PVALEF: variants seen among roughly 807,000 people sequenced by gnomAD.
The protein encoded by PVALEF is parvalbumin like EF-hand containing, also known as parvalbumin-like EF-hand-containing protein.
A neutral mutation model predicts 1.2 loss-of-function variants in PVALEF; 2 were observed. The ratio of observed to expected loss-of-function variants is 1.68; its 90% CI spans 0.69 to 5.28. The LOEUF is 5.28. Ranked by LOEUF, PVALEF falls within the 30% of genes most tolerant of loss-of-function variation. The pLI, the probability that PVALEF is intolerant of heterozygous loss-of-function variation, is 0.06. For missense variants in PVALEF, 35 were observed against 17.7 expected, an observed-to-expected ratio of 1.97 and a Z score of -1.75; for synonymous variants, 16 against 6.5, an observed-to-expected ratio of 2.47 and a Z score of -2.24.
chr17:81,169,529 C>G (rs778733177), intron 2 of PVALEF, among the ~76,000 whole-genome samples: 14 of 152,266 alleles, frequency 9.2e-5, no homozygotes, highest in Non-Finnish European at 1.9e-4. Flanking sequence ...AACCAGAAGG[C>G]GGAACTTGCA....
chr17:81,165,914 C>T (rs543716996), intron 1 of PVALEF, 167 bp downstream of exon 1: 663 of 1,567,814 alleles, frequency 4.2e-4, no homozygotes, highest in Non-Finnish European at 5.3e-4. Context: ...CAGCGGCGCG[C>T]AGGCCGGGCC....
intron 2 of PVALEF, among the ~76,000 whole-genome samples, chr17:81,173,480 G>A (rs577848085): frequency 5.3e-5 from 8 of 152,312 alleles, no homozygotes; most frequent in East Asian, 3.9e-4. Context: ...CAGATGCCCC[G>A]AGAGAACCGA....
chr17:81,165,969 G>A, intron 1 of PVALEF: 1 of 1,586,372 alleles, frequency 6.3e-7, no homozygotes, highest in Non-Finnish European at 8.6e-7. Context: ...AGGCGAAGCT[G>A]GGGTTGAAGA....
At chr17:81,170,106 GTC>G (rs2061514839) in intron 2 of PVALEF, among the ~76,000 whole-genome samples, 1 of 150,162 alleles carries the variant, frequency 6.7e-6, no homozygotes, top group Non-Finnish European at 1.5e-5. Context: ...TGGTTTGTGT[GTC>G]TGCATATGTG....
At chr17:81,165,790 C>A (rs1274271276) in intron 1 of PVALEF, 43 bp downstream of exon 1, 2 of 1,502,534 alleles carry the variant, frequency 1.3e-6, no homozygotes, top group Admixed American at 4.2e-5. Flanking sequence ...AGATCTGGGG[C>A]CGCCAGGGGG....
At chr17:81,176,531 G>C (rs2061536128) in intron 2 of PVALEF, among the ~76,000 whole-genome samples, 1 of 151,296 alleles carries the variant, frequency 6.6e-6, no homozygotes, top group Non-Finnish European at 1.5e-5. Flanking sequence ...ACAAAAAAAA[G>C]GAAACAAAAC....
Position 81,169,754 on chromosome 17 carries a change from G to GTGTC in PVALEF, c.-340+2913_-340+2914insCTGT, listed in dbSNP as rs1320376073. ...TGTGCGTGTGTGTGTACGTGTCTAT[G>GTGTC]TGTGTGTATGCATGTGTGTCTGTGC... is the stretch of plus-strand genomic sequence containing the variant. On this transcript the variant is annotated intron_variant, in intron 2 of 6. Transcript: ENST00000637878. Among the ~76,000 whole-genome samples, 641 of 150,996 alleles carry GTGTC rather than the reference G, an allele frequency of 4.2e-3. 8 individuals are homozygous for GTGTC. The highest frequency in any genetic ancestry group is 0.029 in the South Asian group (140 of 4,796).
intron 2 of PVALEF, among the ~76,000 whole-genome samples, chr17:81,169,745 C>CGTAT (rs144427493): frequency 0.23 from 35,428 of 151,680 alleles, 4,533 homozygotes; most frequent in Non-Finnish European, 0.28. Flanking sequence ...TGTGTGTGTA[C>CGTAT]GTGTCTATGT....
intron 2 of PVALEF, among the ~76,000 whole-genome samples, chr17:81,168,960 C>T (rs1313083699): frequency 6.6e-6 from 1 of 152,252 alleles, no homozygotes; most frequent in Non-Finnish European, 1.5e-5. Context: ...GACCAAAGCT[C>T]TGACCACACT....
At chr17:81,175,753 G>T (rs2061534199) in intron 2 of PVALEF, among the ~76,000 whole-genome samples, 1 of 152,098 alleles carries the variant, frequency 6.6e-6, no homozygotes, top group Non-Finnish European at 1.5e-5. Context: ...ATGAAATTGG[G>T]CCCTTACCTA....
chr17:81,173,959 A>C (rs1421058620), intron 2 of PVALEF, among the ~76,000 whole-genome samples: 2 of 152,226 alleles, frequency 1.3e-5, no homozygotes, highest in Admixed American at 1.3e-4. Flanking sequence ...ACCATAATCA[A>C]GTGGGATTTA....
At chr17:81,165,878 G>A (rs1356973030) in intron 1 of PVALEF, 131 bp downstream of exon 1, 18 of 1,548,260 alleles carry the variant, frequency 1.2e-5, no homozygotes, top group Non-Finnish European at 1.6e-5. Context: ...GGGGCCCAGG[G>A]GCATCACGTC....
At chr17:81,173,151 G>T (rs1316725775) in intron 2 of PVALEF, among the ~76,000 whole-genome samples, 1 of 152,154 alleles carries the variant, frequency 6.6e-6, no homozygotes, top group Non-Finnish European at 1.5e-5. Flanking sequence ...ATGCCGGCGA[G>T]GGGAGAGGTG....
Position 81,181,172 on chromosome 17 carries a change from C to T in PVALEF, c.-55C>T, listed in dbSNP as rs1172473392. 4.3e-6 allele frequency: 3 copies of T among 700,068 alleles called. No individual in the cohort carries two copies. The highest frequency in any genetic ancestry group is 1.5e-5 in the South Asian group (1 of 66,306). The allele number at this position is 700,068 out of a possible 1,614,324, so 43.4% of individuals were successfully genotyped here. ...TACGTCTGCTCTGGCCCAAGCAGCA[C>T]CCCCAATCCGTGCGTGCACCCCACG... On this transcript the variant is annotated 5_prime_UTR_variant, in exon 4 of 7. Coordinates refer to ENST00000637878, the MANE Select transcript of PVALEF (RefSeq NM_001354639.2).
intron 2 of PVALEF, among the ~76,000 whole-genome samples, chr17:81,173,164 C>T (rs563412254): frequency 3.9e-5 from 6 of 152,226 alleles, no homozygotes; most frequent in South Asian, 4.1e-4. Flanking sequence ...GAGAGGTGCT[C>T]GCAGAAGCCA....
intron 6 of PVALEF, 121 bp from the exon 7 acceptor site, chr17:81,182,844 G>A: frequency 2.5e-6 from 1 of 395,440 alleles, no homozygotes; most frequent in Non-Finnish European, 4.5e-6. Flanking sequence ...CTTGGGGACA[G>A]GACCCCCTGG....
chr17:81,178,983 T>C lies in PVALEF; in HGVS notation c.-274T>C, dbSNP rs112222853. 13,704 of 424,532 alleles carry C rather than the reference T, an allele frequency of 0.032. 686 individuals carry two copies. The highest frequency in any genetic ancestry group is 0.16 in the African/African-American group (7,647 of 49,270). The allele number at this position is 424,532 out of a possible 1,614,324, so 26.3% of individuals were successfully genotyped here. A position where few individuals can be genotyped will look rare whatever the true frequency, so the allele number is the denominator to read the frequency against. ...GACCAGTGTGGACACACCAAGTGCC[T>C]GCGAGCCCCTGGGAGCTGCCCGTGC... On this transcript the variant is annotated 5_prime_UTR_variant, in exon 3 of 7. Transcript: ENST00000637878.
chr17:81,170,490 A>C (rs74002082), intron 2 of PVALEF, among the ~76,000 whole-genome samples: 2,320 of 152,092 alleles, frequency 0.015, 57 homozygotes, highest in East Asian at 0.086. Flanking sequence ...TGAGGTCCCA[A>C]TTCACAGGTA....
At chr17:81,166,270 C>G (rs1414359587) in intron 1 of PVALEF, among the ~76,000 whole-genome samples, 16 of 106,130 alleles carry the variant, frequency 1.5e-4, no homozygotes, top group African/African-American at 3.1e-4. Flanking sequence ...GAGGGGGGGG[C>G]CCTCCGCGGC....
Sources: gnomAD v4.1 joint callset for allele counts (sites outside exome capture counted in the v4.1 genomes callset) on GRCh38, gnomAD v4.1.1 for gene constraint, MANE v1.5 for transcripts, NCBI Gene and HGNC (gene_info 2026-07-23, HGNC 2026-07-21) for gene names.